Variants in LDAH observed in about 807,000 individuals in gnomAD.
The protein encoded by LDAH is lipid droplet-associated hydrolase.
Under a neutral mutation model 29.6 loss-of-function variants are expected in LDAH, and 26 were observed. That is an observed-to-expected ratio of 0.88 (90% CI 0.64 to 1.22). The LOEUF is 1.22. Ranked by LOEUF, LDAH falls within the 50% of genes most tolerant of loss-of-function variation. LDAH has a pLI of 0.00. For synonymous variants in LDAH, 117 were observed against 133.0 expected (o/e 0.88, Z 0.83); for missense variants, 344 against 387.3 (o/e 0.89, Z 0.94).
chr2:20,745,579 A>G (rs116448974), intron 4 of LDAH, among the ~76,000 whole-genome samples: 4,537 of 152,296 alleles, frequency 0.03, 228 homozygotes, highest in African/African-American at 0.1. Context: ...ACTTAGCTTG[A>G]TTTAGTCATT....
chr2:20,787,319 A>G (rs1670626544), intron 3 of LDAH, among the ~76,000 whole-genome samples: 1 of 142,222 alleles, frequency 7.0e-6, no homozygotes, highest in Non-Finnish European at 1.5e-5. Flanking sequence ...TTTGAGACAC[A>G]GTCTCATTCT....
chr2:20,697,564 T>G, intron 6 of LDAH, among the ~76,000 whole-genome samples: 1 of 152,190 alleles, frequency 6.6e-6, no homozygotes, highest in East Asian at 1.9e-4. Context: ...TTGTCAAATG[T>G]TTTGACTGTC....
chr2:20,809,203 A>G lies in LDAH; in HGVS notation c.-2-7738T>C, dbSNP rs1039025118. Among the ~76,000 whole-genome samples, 33 of 150,002 alleles carry G rather than the reference A, an allele frequency of 2.2e-4. 1 individual carries two copies. Among genetic ancestry groups the G allele is most frequent in the Admixed American group, 2.0e-3 (30 of 15,160 alleles). Reference sequence around the variant, plus strand: ...TCAGGAGATCAAGACCATCCTGGCCAACATCGTGAAACCCCATCTCTACTA... The same window carrying G: ...TCAGGAGATCAAGACCATCCTGGCCGACATCGTGAAACCCCATCTCTACTA... On this transcript the variant is annotated intron_variant, in intron 1 of 6. Transcript: ENST00000237822.
intron 6 of LDAH, among the ~76,000 whole-genome samples, chr2:20,699,769 T>C (rs921605787): frequency 6.6e-6 from 1 of 152,332 alleles, no homozygotes; most frequent in African/African-American, 2.4e-5. Flanking sequence ...CACCCCCGTA[T>C]TTCCCCATAA....
chr2:20,702,924 T>TCAAGCAATTCTC (rs1346568576), intron 5 of LDAH, among the ~76,000 whole-genome samples: 1 of 152,196 alleles, frequency 6.6e-6, no homozygotes, highest in Non-Finnish European at 1.5e-5. Context: ...CCTCCCAGGT[T>TCAAGCAATTCTC]CAAGCAATTC....
intron 5 of LDAH, among the ~76,000 whole-genome samples, chr2:20,722,377 CAA>C (rs141440507): frequency 2.8e-3 from 201 of 70,844 alleles, no homozygotes; most frequent in African/African-American, 9.3e-3. Flanking sequence ...GAAACTGTCT[CAA>C]AAAAAAAAAA....
intron 4 of LDAH, among the ~76,000 whole-genome samples, chr2:20,749,963 TCTC>T (rs1667848914): frequency 6.6e-6 from 1 of 151,702 alleles, no homozygotes; most frequent in Non-Finnish European, 1.5e-5. Context: ...TACCATGGTA[TCTC>T]CCAGACTCAG....
At chr2:20,733,009 T>C (rs1172269373) in intron 5 of LDAH, among the ~76,000 whole-genome samples, 6 of 152,064 alleles carry the variant, frequency 3.9e-5, no homozygotes, top group Non-Finnish European at 7.4e-5. Context: ...AACCCTAATT[T>C]CTATTCTTGT....
intron 4 of LDAH, among the ~76,000 whole-genome samples, chr2:20,764,726 C>G (rs1406145296): frequency 6.6e-6 from 1 of 152,200 alleles, no homozygotes; most frequent in Non-Finnish European, 1.5e-5. Flanking sequence ...GTGAAAGCAA[C>G]TTAGTCTAAC....
At chr2:20,806,081 T>C (rs1672048896) in intron 1 of LDAH, among the ~76,000 whole-genome samples, 1 of 152,126 alleles carries the variant, frequency 6.6e-6, no homozygotes, top group Non-Finnish European at 1.5e-5. Flanking sequence ...CTGTAGATGA[T>C]AACAACTTTT....
intron 5 of LDAH, among the ~76,000 whole-genome samples, chr2:20,723,244 T>C (rs1665784555): frequency 6.6e-6 from 1 of 152,206 alleles, no homozygotes; most frequent in South Asian, 2.1e-4. Flanking sequence ...CATTATACAA[T>C]TCCAGTTATT....
chr2:20,777,798 T>C (rs759077311), intron 3 of LDAH, among the ~76,000 whole-genome samples: 2 of 152,190 alleles, frequency 1.3e-5, no homozygotes, highest in Non-Finnish European at 2.9e-5. Context: ...TACTTGATTA[T>C]ATATTTTCAT....
chr2:20,798,475 G>C (rs1201150839), intron 2 of LDAH, among the ~76,000 whole-genome samples: 1 of 151,632 alleles, frequency 6.6e-6, no homozygotes, highest in African/African-American at 2.4e-5. Context: ...AAAGATAACA[G>C]AACATCATTA....
intron 5 of LDAH, among the ~76,000 whole-genome samples, chr2:20,723,219 A>G (rs1665783057): frequency 6.6e-6 from 1 of 152,242 alleles, no homozygotes; most frequent in Admixed American, 6.5e-5. Flanking sequence ...GAGAAGTCAG[A>G]CACAAACAAG....
chr2:20,776,991 G>A (rs879271456), intron 3 of LDAH, among the ~76,000 whole-genome samples: 8 of 152,100 alleles, frequency 5.3e-5, no homozygotes, highest in African/African-American at 1.9e-4. Flanking sequence ...TTTAACCTAG[G>A]CTTCAGTTTC....
chr2:20,801,537 G>A, intron 1 of LDAH, 72 bp from the exon 2 acceptor site: 2 of 1,320,242 alleles, frequency 1.5e-6, no homozygotes, highest in Admixed American at 2.0e-5. Flanking sequence ...CAAAATTCAA[G>A]AATAAAAAAG....
chr2:20,692,526 G>A (rs1663106357), intron 6 of LDAH, among the ~76,000 whole-genome samples: 1 of 152,132 alleles, frequency 6.6e-6, no homozygotes, highest in Admixed American at 6.5e-5. Flanking sequence ...CTATTCAATA[G>A]GACAGTAGGA....
chr2:20,819,556 C>G (rs1216933059), intron 1 of LDAH, among the ~76,000 whole-genome samples: 1 of 152,126 alleles, frequency 6.6e-6, no homozygotes, highest in African/African-American at 2.4e-5. Context: ...AGGCCTTTGA[C>G]AAGATTCAAC....
chr2:20,814,376 T>C (rs1672709864), intron 1 of LDAH, among the ~76,000 whole-genome samples: 2 of 152,212 alleles, frequency 1.3e-5, no homozygotes, highest in South Asian at 4.1e-4. Context: ...TTCTTAGATT[T>C]ACCTAATTTG....
Sources: gnomAD v4.1 joint callset for allele counts (sites outside exome capture counted in the v4.1 genomes callset) on GRCh38, gnomAD v4.1.1 for gene constraint, MANE v1.5 for transcripts, NCBI Gene and HGNC (gene_info 2026-07-23, HGNC 2026-07-21) for gene names.